The following GABRA3 variants were observed in gnomAD, a reference collection of about 807,000 sequenced individuals.
GABRA3 encodes the protein gamma-aminobutyric acid receptor subunit alpha-3.
In GABRA3, 10 loss-of-function variants were observed where a neutral mutation model predicts 30.1. The ratio of observed to expected loss-of-function variants is 0.33; its 90% CI spans 0.20 to 0.56. The LOEUF (loss-of-function observed/expected upper bound fraction) is 0.56. GABRA3 is among the 20% of genes least tolerant of loss of function. The pLI is 0.89. For missense variants in GABRA3, 233 were observed against 392.0 expected, an observed-to-expected ratio of 0.59 and a Z score of 3.42; for synonymous variants, 151 against 146.8, an observed-to-expected ratio of 1.03 and a Z score of -0.21.
chrX:152,330,420 T>C (rs999450109), intron 3 of GABRA3, among the ~76,000 whole-genome samples: 6 of 112,038 alleles, frequency 5.4e-5, no homozygotes, highest in Admixed American at 4.7e-4. Flanking sequence ...TGTGGCACTA[T>C]TCACAATAGC....
chrX:152,438,849 G>A (rs186537253), intron 1 of GABRA3, among the ~76,000 whole-genome samples: 1 of 111,343 alleles, frequency 9.0e-6, no homozygotes, highest in East Asian at 2.8e-4. Flanking sequence ...TATATAACAG[G>A]AGATTTTTTA....
chrX:152,341,310 G>A (rs141323263), intron 3 of GABRA3, among the ~76,000 whole-genome samples: 43 of 110,761 alleles, frequency 3.9e-4, no homozygotes, highest in African/African-American at 1.3e-3. Flanking sequence ...CCGTATCTTT[G>A]CAATTGTGAA....
intron 6 of GABRA3, among the ~76,000 whole-genome samples, chrX:152,209,787 C>G (rs1283504836): frequency 1.8e-5 from 2 of 112,518 alleles, no homozygotes; most frequent in African/African-American, 6.5e-5. Flanking sequence ...TTTCTCCAAT[C>G]ACATCAAAAT....
At chrX:152,283,867 A>G (rs1237875384) in intron 4 of GABRA3, among the ~76,000 whole-genome samples, 1 of 112,362 alleles carries the variant, frequency 8.9e-6, no homozygotes, top group Non-Finnish European at 1.9e-5. Flanking sequence ...CTTGCAACAC[A>G]AAGTCAGTCA....
intron 1 of GABRA3, chrX:152,393,408 AT>A (rs1274337630): frequency 2.7e-6 from 1 of 373,619 alleles, no homozygotes; most frequent in Non-Finnish European, 5.3e-6. Flanking sequence ...ATAAAACACT[AT>A]TTCCCTGTAA....
At chrX:152,239,651 G>T (rs1389214101) in intron 5 of GABRA3, among the ~76,000 whole-genome samples, 1 of 90,245 alleles carries the variant, frequency 1.1e-5, no homozygotes, top group Non-Finnish European at 2.1e-5. Flanking sequence ...AGGTCACTCA[G>T]GACTTGCTTT....
chrX:152,422,720 T>G (rs192303430), intron 1 of GABRA3, among the ~76,000 whole-genome samples: 1 of 111,052 alleles, frequency 9.0e-6, no homozygotes, highest in South Asian at 3.7e-4. Context: ...CACAATATTC[T>G]TAAAGATTGA....
intron 3 of GABRA3, among the ~76,000 whole-genome samples, chrX:152,294,092 C>T (rs1395688133): frequency 9.0e-6 from 1 of 111,170 alleles, no homozygotes; most frequent in African/African-American, 3.3e-5. Flanking sequence ...GTGAATCTGA[C>T]CATTATGTGT....
intron 4 of GABRA3, among the ~76,000 whole-genome samples, chrX:152,271,751 C>G (rs1180023799): frequency 9.0e-6 from 1 of 111,600 alleles, no homozygotes; most frequent in African/African-American, 3.3e-5. Context: ...TTTCCTGGAC[C>G]AGGTCCAGGG....
chrX:152,209,360 C>T lies in GABRA3; in HGVS notation c.635-1216G>A, dbSNP rs757052207. On this transcript the variant is annotated intron_variant, in intron 6 of 9. Coordinates refer to ENST00000370314, the MANE Select transcript of GABRA3 (RefSeq NM_000808.4). ...CCCTGACATGGTTAACTCTTTCCACCGTGGATTTTATATCTAGGGTGAGTA... is the reference window on the plus strand; with the variant it reads ...CCCTGACATGGTTAACTCTTTCCACTGTGGATTTTATATCTAGGGTGAGTA... Among the ~76,000 whole-genome samples the T allele has an allele frequency of 1.3e-4, 14 of 111,097 alleles. No individual in the cohort carries two copies. The East Asian group carries it at 3.4e-3, about 27-fold the overall frequency.
At chrX:152,357,791 C>A (rs1015331370) in intron 2 of GABRA3, among the ~76,000 whole-genome samples, 1 of 111,044 alleles carries the variant, frequency 9.0e-6, no homozygotes, top group African/African-American at 3.3e-5. Flanking sequence ...CTTCCCAGCA[C>A]CATTTATTGA....
intron 2 of GABRA3, among the ~76,000 whole-genome samples, chrX:152,356,524 A>G (rs771806603): frequency 1.1e-3 from 123 of 111,939 alleles, no homozygotes; most frequent in East Asian, 5.6e-4. Flanking sequence ...TCCTTTATTT[A>G]TGGCAAATAC....
At chrX:152,337,627 A>G (rs761873972) in intron 3 of GABRA3, among the ~76,000 whole-genome samples, 4 of 111,143 alleles carry the variant, frequency 3.6e-5, no homozygotes, top group African/African-American at 6.5e-5. Context: ...CCAGGAGTTC[A>G]AGACCAGCCT....
intron 3 of GABRA3, among the ~76,000 whole-genome samples, chrX:152,302,827 T>C (rs6627575): frequency 0.21 from 23,402 of 110,810 alleles, 2,277 homozygotes; most frequent in African/African-American, 0.38. Flanking sequence ...TGAGAACTTA[T>C]AGTATTTGGT....
intron 1 of GABRA3, among the ~76,000 whole-genome samples, chrX:152,424,928 C>CTTTTTTTT (rs747255822): frequency 2.4e-5 from 1 of 42,354 alleles, no homozygotes. Flanking sequence ...TTTTTCTTTT[C>CTTTTTTTT]TTTTTTTTTT....
chrX:152,306,270 A>G (rs1412309179), intron 3 of GABRA3, among the ~76,000 whole-genome samples: 1 of 111,824 alleles, frequency 8.9e-6, no homozygotes, highest in Admixed American at 9.5e-5. Flanking sequence ...AATTTTGGAG[A>G]GCAATTGGGC....
intron 1 of GABRA3, among the ~76,000 whole-genome samples, chrX:152,427,296 A>T (rs776162160): frequency 1.8e-5 from 2 of 111,361 alleles, no homozygotes; most frequent in Admixed American, 1.9e-4. Context: ...ACTGCATTGT[A>T]CTCTGTATCT....
rs774595603 is a variant in GABRA3, at chrX:152,264,035, C to T, written c.331-8037G>A. Reference sequence around the variant, plus strand: ...AAATAATTTCCCAGAAAAACAAAAGCGGAGGGATTTCATCACAACCAGACC... The same window carrying T: ...AAATAATTTCCCAGAAAAACAAAAGTGGAGGGATTTCATCACAACCAGACC... On this transcript the variant is annotated intron_variant, in intron 4 of 9. Transcript: ENST00000370314. Among the ~76,000 whole-genome samples the T allele has an allele frequency of 1.5e-4, 17 of 111,206 alleles. No homozygotes were observed. The East Asian group carries it at 4.8e-3, about 31-fold the overall frequency.
At chrX:152,308,100 T>C (rs962633641) in intron 3 of GABRA3, among the ~76,000 whole-genome samples, 5 of 112,589 alleles carry the variant, frequency 4.4e-5, no homozygotes, top group Non-Finnish European at 7.5e-5. Flanking sequence ...CCTGGTCTGC[T>C]GGCCTTTCCC....
Sources: allele counts gnomAD v4.1 joint callset (sites outside exome capture counted in the v4.1 genomes callset), GRCh38; gene constraint gnomAD v4.1.1; transcripts MANE v1.5; gene names NCBI Gene and HGNC (gene_info 2026-07-23, HGNC 2026-07-21).